JPH4: variants seen among roughly 807,000 people sequenced by gnomAD.
JPH4 encodes the protein junctophilin-4.
Under a neutral mutation model 57.6 loss-of-function variants are expected in JPH4, and 18 were observed. The observed-to-expected ratio is 0.31, with a 90% CI of 0.22 to 0.46. JPH4 has a LOEUF of 0.46. JPH4 is among the 20% of genes least tolerant of loss of function. The pLI is 1.00. For synonymous variants in JPH4, 425 were observed against 406.6 expected, an observed-to-expected ratio of 1.05 and a Z score of -0.54; for missense variants, 727 against 911.1, an observed-to-expected ratio of 0.80 and a Z score of 2.60.
rs755818782 is a variant in JPH4 at position 23,575,802 on chromosome 14, C to T, written c.1034G>A (p.Ser345Asn). Residue 345 changes from serine (S) to asparagine (N), a missense_variant, in exon 3 of 6, where the codon AGT becomes AAT. Transcript: ENST00000356300. The surrounding 1 kb of genome is among the most constrained non-coding windows in gnomAD (Gnocchi z 6.9). ...NRLVHGGRVR[S>N]LLPLALRRGK... ...CCGCCGAAGGGCCAGAGGCAGGAGA[C>T]TGCGGACGCGCCCGCCGTGCACCAG... 3.8e-6 allele frequency: 6 copies of T among 1,585,098 alleles called. No individual in the cohort carries two copies. The highest frequency in any genetic ancestry group is 5.1e-6 in the Non-Finnish European group (6 of 1,167,926).
chr14:23,571,226 G>GCC lies in JPH4; in HGVS notation c.1503_1504dup (p.Ala502GlyfsTer9). 4 of 1,588,810 alleles carry GCC rather than the reference G, an allele frequency of 2.5e-6. No homozygotes were observed. Among genetic ancestry groups the GCC allele is most frequent in the South Asian group, 1.1e-5 (1 of 89,148 alleles). ...AGCTAGTTCCTCTGCCTGTGCGCCT[G>GCC]CCCCCCCCCACTCCTCAGGCCAAGC... On this transcript the variant is annotated frameshift_variant, in exon 5 of 6. Transcript: ENST00000356300. LOFTEE classifies it high-confidence loss of function. The surrounding 1 kb of genome is among the most constrained non-coding windows in gnomAD (Gnocchi z 4.6).
rs1048325051 is a variant in JPH4, at chr14:23,569,233, A to G, written c.*401T>C. On this transcript the variant is annotated 3_prime_UTR_variant, in exon 6 of 6. Transcript: ENST00000356300. The surrounding 1 kb of genome is among the most constrained non-coding windows in gnomAD (Gnocchi z 4.8). ...TCCTCCTCTCCATTCAGCTTCCAGG[A>G]GTCTCCTTAGGACACCAAACCCCCA... 1 of 229,826 alleles carries G rather than the reference A, an allele frequency of 4.4e-6. No homozygotes were observed. The highest frequency in any genetic ancestry group is 5.3e-5 in the Admixed American group (1 of 18,954). 14.2% of individuals were successfully genotyped at this position (229,826 alleles called of 1,614,324 possible).
rs1889243338 is a variant in JPH4 at position 23,575,236 on chromosome 14, G to A, written c.1151+449C>T. On this transcript the variant is annotated intron_variant, in intron 3 of 5. Transcript: ENST00000356300. This position sits in a 1 kb window ranked among gnomAD's most constrained non-coding sequence, Gnocchi z 6.9. ...CTGAAATGGTGTCAGGCTGGGACGT[G>A]ATTAGGAAGGGACAGTCCCTATTCC... 1 of 172,688 alleles carries A rather than the reference G, an allele frequency of 5.8e-6. No homozygotes were observed. The highest frequency in any genetic ancestry group is 1.2e-5 in the Non-Finnish European group (1 of 81,644). The allele number at this position is 172,688 out of a possible 1,614,324, so 10.7% of individuals were successfully genotyped here.
At position 23,575,710 on chromosome 14, in the gene JPH4, G is replaced by C. The variant is rs373079351; in HGVS notation, c.1126C>G (p.Gln376Glu). The change falls in exon 3 of 6, where the codon CAG becomes GAG. Residue 376 changes from glutamine (Q) to glutamate (E), a missense_variant. Around this residue, in one of 7 missense-constraint regions of JPH4, gnomAD observed 112 missense variants for 199.4 expected, o/e 0.56. Transcript: ENST00000356300. The surrounding 1 kb of genome is among the most constrained non-coding windows in gnomAD (Gnocchi z 6.9). ...GARRAVSAAR[Q>E]RQEIAAARAA... is the part of the protein sequence containing the mutation. The stretch of plus-strand genomic sequence containing the variant: ...CTGGCAGCGGCGATCTCCTGGCGCT[G>C]ACGGGCAGCACTCACGGCTCGACGG... The C allele has an allele frequency of 1.6e-5, 26 of 1,606,510 alleles. No individual in the cohort carries two copies. In the African/African-American group the frequency reaches 2.9e-4, roughly 18 times the overall value.
At chr14:23,574,843 A>G (rs1253541455) in intron 3 of JPH4, 5 of 226,602 alleles carry the variant, frequency 2.2e-5, no homozygotes, top group Non-Finnish European at 3.4e-5. Context: ...TTTCAGAGAC[A>G]GGATCTTGCT....
Position 23,575,879 on chromosome 14 carries a change from G to A in JPH4, c.957C>T (p.Arg319=). The change falls in exon 3 of 6, where the codon CGC becomes CGT. Residue 319 remains arginine (R), a synonymous_variant. Transcript: ENST00000356300. The surrounding 1 kb of genome is among the most constrained non-coding windows in gnomAD (Gnocchi z 6.9). ...CGCGGGAGCCGTCGGGGCGGGTGGT[G>A]CGCCCGTAGCCGTGCCGCCGGTTGC... ...WLGNRRHGYG[R]TTRPDGSREE... 1 of 1,573,094 alleles carries A rather than the reference G, an allele frequency of 6.4e-7. No individual in the cohort carries two copies. Among genetic ancestry groups the A allele is most frequent in the South Asian group, 1.1e-5 (1 of 87,422 alleles).
At chr14:23,573,456 G>A (rs1361929250) in intron 3 of JPH4, among the ~76,000 whole-genome samples, 1 of 152,212 alleles carries the variant, frequency 6.6e-6, no homozygotes, top group Non-Finnish European at 1.5e-5. Flanking sequence ...TGAGCCGTGA[G>A]CGTGAGGATC....
At chr14:23,572,822 C>A (rs1386821402) in intron 3 of JPH4, 1 of 700,046 alleles carries the variant, frequency 1.4e-6, no homozygotes, top group Non-Finnish European at 2.6e-6. Flanking sequence ...CCTTCCACAA[C>A]CCCCTACCAC....
At chr14:23,573,133 G>A (rs1245967152) in intron 3 of JPH4, 1 of 602,988 alleles carries the variant, frequency 1.7e-6, no homozygotes, top group African/African-American at 1.9e-5. Flanking sequence ...TCTGGTATGG[G>A]GGTGGGGAAG....
rs1019468512 is a variant in JPH4 at position 23,576,199 on chromosome 14, G to C, written c.637C>G (p.Pro213Ala). The change falls in exon 3 of 6, where the codon CCG becomes GCG. Residue 213 changes from proline (P) to alanine (A), a missense_variant. By Grantham distance (27) the Pro-to-Ala change is conservative. This residue lies in a region of JPH4 where 131 missense variants were observed against 156.5 expected (regional missense o/e 0.84). Transcript: ENST00000356300. The surrounding 1 kb of genome is among the most constrained non-coding windows in gnomAD (Gnocchi z 8.0). Reference protein sequence around the residue: ...ADGASSRKRTPAAGGFFRRSL... With the variant: ...ADGASSRKRTAAAGGFFRRSL... ...CGGCGAAAGAATCCGCCGGCCGCCG[G>C]AGTGCGCTTTCGGGACGACGCGCCG... 1 of 1,288,404 alleles carries C rather than the reference G, an allele frequency of 7.8e-7. No individual in the cohort carries two copies. Among genetic ancestry groups the C allele is most frequent in the African/African-American group, 1.5e-5 (1 of 64,600 alleles). 79.8% of individuals were successfully genotyped at this position (1,288,404 alleles called of 1,614,324 possible).
chr14:23,574,733 G>T (rs908821242), intron 3 of JPH4, among the ~76,000 whole-genome samples: 1 of 152,178 alleles, frequency 6.6e-6, no homozygotes, highest in Non-Finnish European at 1.5e-5. Flanking sequence ...CAGTTGAAAT[G>T]ATAATATTTG....
At chr14:23,570,398 G>A (rs1196709381) in intron 5 of JPH4, among the ~76,000 whole-genome samples, 23 of 129,436 alleles carry the variant, frequency 1.8e-4, no homozygotes, top group Non-Finnish European at 1.7e-4. Context: ...TTGAGACAGA[G>A]TCTCGCTCTG....
In JPH4 at chr14:23,575,821, G is replaced by A; in HGVS notation, c.1015C>T (p.His339Tyr). ...AGGAGACTGCGGACGCGCCCGCCGT[G>A]CACCAGCCGGTTGCGCTTGTACTTG... ...EGKYKRNRLV[H>Y]GGRVRSLLPL... is the part of the protein sequence containing the mutation. The change falls in exon 3 of 6, where the codon CAC becomes TAC. Residue 339 changes from histidine to tyrosine, a missense_variant. Coordinates refer to ENST00000356300, the MANE Select transcript of JPH4 (RefSeq NM_001146028.2). This position sits in a 1 kb window ranked among gnomAD's most constrained non-coding sequence, Gnocchi z 6.9. 6.3e-7 allele frequency: 1 copy of A among 1,584,274 alleles called. No individual in the cohort carries two copies. Among genetic ancestry groups the A allele is most frequent in the South Asian group, 1.1e-5 (1 of 87,274 alleles).
Position 23,571,366 on chromosome 14 carries a change from C to A in JPH4, c.1365G>T (p.Glu455Asp). 8 of 1,601,000 alleles carry A rather than the reference C, an allele frequency of 5.0e-6. No homozygotes were observed. Among genetic ancestry groups the A allele is most frequent in the Non-Finnish European group, 6.8e-6 (8 of 1,178,806 alleles). Residue 455 changes from glutamate to aspartate, a missense_variant, in exon 5 of 6, where the codon GAG (glutamate) becomes GAT (aspartate). Transcript: ENST00000356300. The surrounding 1 kb of genome is among the most constrained non-coding windows in gnomAD (Gnocchi z 4.6). Reference protein sequence around the residue: ...GVYENGLTPSEGSPELPSSPA... With the variant: ...GVYENGLTPSDGSPELPSSPA... ...GACTGCTGGGCAGTTCAGGGGATCC[C>A]TCTGAGGGGGTCAGTCCGTTCTCAT... is the stretch of plus-strand genomic sequence containing the variant.
chr14:23,575,315 G>C lies in JPH4; in HGVS notation c.1151+370C>G. The stretch of plus-strand genomic sequence containing the variant: ...CCTGGAGGCTGGATCAGCTGCAAGA[G>C]GAGGAAGACTAGGGACATGTTTTGA... On this transcript the variant is annotated intron_variant, in intron 3 of 5. Coordinates refer to ENST00000356300, the MANE Select transcript of JPH4 (RefSeq NM_001146028.2). The surrounding 1 kb of genome is among the most constrained non-coding windows in gnomAD (Gnocchi z 6.9). The C allele has an allele frequency of 3.3e-6, 1 of 304,118 alleles. No individual in the cohort carries two copies. Among genetic ancestry groups the C allele is most frequent in the Non-Finnish European group, 6.2e-6 (1 of 161,178 alleles). The allele number at this position is 304,118 out of a possible 1,614,324, so 18.8% of individuals were successfully genotyped here.
rs1036950461 is a variant in JPH4 at position 23,578,168 on chromosome 14, C to A, written c.-172+12G>T. 3.3e-5 allele frequency: 5 copies of A among 152,196 alleles called. No homozygotes were observed. The highest frequency in any genetic ancestry group is 7.3e-5 in the Non-Finnish European group (5 of 68,298). The allele number at this position is 152,196 out of a possible 1,614,324, so 9.4% of individuals were successfully genotyped here. ...GGGCAGACAGGCAGAAGGGAGGGGG[C>A]AGGCTACTCACCATGTGGGCTGGGG... On this transcript the variant is annotated intron_variant, in intron 1 of 5. Transcript: ENST00000356300.
At chr14:23,570,434 C>T (rs1365242166) in intron 5 of JPH4, among the ~76,000 whole-genome samples, 2 of 144,768 alleles carry the variant, frequency 1.4e-5, no homozygotes, top group Non-Finnish European at 3.0e-5. Flanking sequence ...TGCAGTGGCG[C>T]GATCTCAGCT....
At position 23,576,952 on chromosome 14, in the gene JPH4, G is replaced by T; in HGVS notation, c.379+123C>A. 1 of 1,191,464 alleles carries T rather than the reference G, an allele frequency of 8.4e-7. No homozygotes were observed. Among genetic ancestry groups the T allele is most frequent in the Non-Finnish European group, 1.1e-6 (1 of 892,944 alleles). The allele number at this position is 1,191,464 out of a possible 1,614,324, so 73.8% of individuals were successfully genotyped here. On this transcript the variant is annotated intron_variant, in intron 2 of 5. Transcript: ENST00000356300. The surrounding 1 kb of genome is among the most constrained non-coding windows in gnomAD (Gnocchi z 8.0). ...GAAATTGGGGGCTGGGGGTCACATC[G>T]ATGGGGAATGGTGGCGGGGGAAAGA... is the stretch of plus-strand genomic sequence containing the variant.
At chr14:23,572,102 G>A (rs532752561) in intron 3 of JPH4, among the ~76,000 whole-genome samples, 182 bp from the exon 4 acceptor site, 17 of 152,000 alleles carry the variant, frequency 1.1e-4, no homozygotes, top group Non-Finnish European at 2.2e-4. Flanking sequence ...GGCAGCTCCC[G>A]TTTGGTTTCC....
Sources: gnomAD v4.1 joint callset for allele counts (sites outside exome capture counted in the v4.1 genomes callset) on GRCh38, gnomAD v4.1.1 for gene constraint, gnomAD v4.1.1 regional missense constraint, Gnocchi (gnomAD v3.1) non-coding constraint, MANE v1.5 for transcripts, NCBI Gene and HGNC (gene_info 2026-07-23, HGNC 2026-07-21) for gene names.